EML6: variants seen among roughly 807,000 people sequenced by gnomAD.
The protein encoded by EML6 is EMAP like 6.
Under a neutral mutation model 240.1 loss-of-function variants are expected in EML6, and 154 were observed. That is an observed-to-expected ratio of 0.64 (90% CI 0.56 to 0.73). The LOEUF (loss-of-function observed/expected upper bound fraction) is 0.73. EML6 is among the 30% of genes least tolerant of loss of function. EML6 has a pLI of 0.00. For synonymous variants in EML6, 1,148 were observed against 899.0 expected, an observed-to-expected ratio of 1.28 and a Z score of -4.95; for missense variants, 2,964 against 2,474.6, an observed-to-expected ratio of 1.20 and a Z score of -4.20.
At chr2:54,816,933 A>T (rs933029981) in intron 4 of EML6, 48 bp downstream of exon 4, 4 of 1,174,488 alleles carry the variant, frequency 3.4e-6, no homozygotes, top group African/African-American at 1.5e-5. Flanking sequence ...ACTTGGGGGG[A>T]CTTGTGATAT....
chr2:54,962,563 A>G lies in EML6; in HGVS notation c.5009A>G (p.Glu1670Gly). The change falls in exon 36 of 42, where the codon GAA (glutamate) becomes GGA (glycine). Residue 1670 changes from glutamate (E) to glycine (G), a missense_variant. By Grantham distance (98) the Glu-to-Gly change is moderately conservative (BLOSUM62 -2). Coordinates refer to ENST00000356458, the MANE Select transcript of EML6 (RefSeq NM_001039753.4). ...GGAACCAAAGACGGAGAAATAATTG[A>G]AGTTGGTGAAAAAAATGCTGCTTCT... is the stretch of plus-strand genomic sequence containing the variant. ...LVGTKDGEIIEVGEKNAASNI... is the reference protein window; with the variant it reads ...LVGTKDGEIIGVGEKNAASNI... 6.5e-7 allele frequency: 1 copy of G among 1,549,098 alleles called. No individual in the cohort carries two copies. Among genetic ancestry groups the G allele is most frequent in the Non-Finnish European group, 8.7e-7 (1 of 1,145,850 alleles).
intron 3 of EML6, among the ~76,000 whole-genome samples, chr2:54,814,652 T>C (rs1222903976): frequency 6.6e-6 from 1 of 152,228 alleles, no homozygotes; most frequent in East Asian, 1.9e-4. Flanking sequence ...AAATTATTCA[T>C]AGAGGCTTAA....
chr2:54,915,557 C>T lies in EML6; in HGVS notation c.3499-1202C>T, dbSNP rs570094438. Among the ~76,000 whole-genome samples the T allele has an allele frequency of 1.5e-3, 233 of 152,156 alleles. 1 individual carries two copies. Among genetic ancestry groups the T allele is most frequent in the African/African-American group, 5.4e-3 (224 of 41,486 alleles). On this transcript the variant is annotated intron_variant, in intron 25 of 41. Coordinates refer to ENST00000356458, the MANE Select transcript of EML6 (RefSeq NM_001039753.4). ...TGGTCTGTGTTCCTACCCAAGGCCC[C>T]CAAGTCACAGGACCAGATTCAGATT...
intron 11 of EML6, among the ~76,000 whole-genome samples, chr2:54,854,862 C>T (rs1670287324): frequency 3.3e-5 from 5 of 152,232 alleles, no homozygotes; most frequent in Admixed American, 2.6e-4. Context: ...TAGGGCATAT[C>T]TTGTTAGATT....
At chr2:54,829,504 A>G in intron 7 of EML6, 27 bp downstream of exon 7, 1 of 1,520,630 alleles carries the variant, frequency 6.6e-7, no homozygotes, top group Non-Finnish European at 8.9e-7. Flanking sequence ...GCTTACCTGT[A>G]ACTCTGGATG....
rs897369211 is a variant in EML6, at chr2:54,774,528, C to T, written c.198-38704C>T. Among the ~76,000 whole-genome samples, 4 of 152,136 alleles carry T rather than the reference C, an allele frequency of 2.6e-5. No homozygotes were observed. The highest frequency in any genetic ancestry group is 6.5e-5 in the Admixed American group (1 of 15,278). ...TCTGGATGGTTTTTAGCCTACATCA[C>T]GGGGAGAATGGAAGAGCTAGCATCT... On this transcript the variant is annotated intron_variant, in intron 2 of 41. Coordinates refer to ENST00000356458, the MANE Select transcript of EML6 (RefSeq NM_001039753.4). This position sits in a 1 kb window ranked among gnomAD's most constrained non-coding sequence, Gnocchi z 4.1.
intron 2 of EML6, among the ~76,000 whole-genome samples, chr2:54,727,948 G>C (rs1324263196): frequency 6.6e-6 from 1 of 152,176 alleles, no homozygotes; most frequent in Non-Finnish European, 1.5e-5. Context: ...GCTCATTAGG[G>C]CTCAGCATAT....
intron 2 of EML6, among the ~76,000 whole-genome samples, chr2:54,773,347 G>A (rs558513116): frequency 3.9e-5 from 6 of 152,238 alleles, no homozygotes; most frequent in Non-Finnish European, 8.8e-5. Flanking sequence ...TCAGAACTGC[G>A]TTCCCTGAGC....
At chr2:54,854,192 T>C (rs535978209) in intron 11 of EML6, among the ~76,000 whole-genome samples, 3 of 152,232 alleles carry the variant, frequency 2.0e-5, no homozygotes, top group East Asian at 3.8e-4. Context: ...TAAAATTCTT[T>C]TATGATTCAG....
intron 9 of EML6, among the ~76,000 whole-genome samples, chr2:54,848,396 C>T (rs907572426): frequency 1.3e-5 from 2 of 152,140 alleles, no homozygotes; most frequent in Admixed American, 6.5e-5. Context: ...ACACTACATT[C>T]TCACTACCAA....
At position 54,903,427 on chromosome 2, in the gene EML6, G is replaced by A. The variant is rs930349880; in HGVS notation, c.3334G>A (p.Val1112Ile). The A allele has an allele frequency of 1.9e-5, 29 of 1,551,574 alleles. No homozygotes were observed. Among genetic ancestry groups the A allele is most frequent in the Admixed American group, 1.2e-4 (6 of 50,968 alleles). ...SHDNFVDIYN[V>I]LTSKRVGICK... ...TGATAACTTTGTGGATATTTACAAC[G>A]TACTTACAAGCAAAAGGGTTGGCAT... The change falls in exon 24 of 42, where the codon GTA becomes ATA. Residue 1112 changes from valine (V) to isoleucine (I), a missense_variant. Transcript: ENST00000356458.
At chr2:54,836,061 G>T (rs1254352637) in intron 7 of EML6, among the ~76,000 whole-genome samples, 3 of 152,140 alleles carry the variant, frequency 2.0e-5, no homozygotes, top group African/African-American at 7.2e-5. Flanking sequence ...TTTTCTCTGG[G>T]CTTGCCCTTC....
At chr2:54,938,185 A>T (rs781081721) in intron 28 of EML6, among the ~76,000 whole-genome samples, 4 of 152,174 alleles carry the variant, frequency 2.6e-5, no homozygotes, top group Non-Finnish European at 5.9e-5. Context: ...GTCTCTACTA[A>T]AAATACAAAA....
At chr2:54,904,297 GGTGAGTCACTC>G (rs1326764679) in intron 24 of EML6, among the ~76,000 whole-genome samples, 1 of 152,124 alleles carries the variant, frequency 6.6e-6, no homozygotes, top group East Asian at 1.9e-4. Context: ...TGCACTATAG[GGTGAGTCACTC>G]GTAAATCCTA....
rs1350282301 is a variant in EML6 at position 54,744,941 on chromosome 2, CACACACACACACACACACACA to C, written c.197+19684_197+19704del. On this transcript the variant is annotated intron_variant, in intron 2 of 41. Transcript: ENST00000356458. ...ACACACACACACACACACACACACA[CACACACACACACACACACACA>C]CCCTGCCATGCAGGCCTTCCCAGTG... 1.0e-3 allele frequency among the ~76,000 whole-genome samples: 150 copies of C among 149,772 alleles called. 1 individual carries two copies. In the East Asian group the frequency reaches 0.025, roughly 25 times the overall value.
intron 25 of EML6, among the ~76,000 whole-genome samples, chr2:54,915,334 C>T (rs755553984): frequency 6.6e-6 from 1 of 152,014 alleles, no homozygotes; most frequent in Non-Finnish European, 1.5e-5. Flanking sequence ...GTAGGGATTG[C>T]GAGTGGACTA....
chr2:54,944,838 CAG>C (rs1037364067), intron 28 of EML6, among the ~76,000 whole-genome samples: 6 of 152,028 alleles, frequency 3.9e-5, no homozygotes, highest in Non-Finnish European at 7.4e-5. Context: ...ATACTGTTAA[CAG>C]AGTCCAGTTC....
chr2:54,814,288 C>G (rs1667986789), intron 3 of EML6, among the ~76,000 whole-genome samples: 1 of 152,202 alleles, frequency 6.6e-6, no homozygotes, highest in African/African-American at 2.4e-5. Flanking sequence ...CCTGCTCACC[C>G]TTTTGCCCAT....
intron 28 of EML6, among the ~76,000 whole-genome samples, chr2:54,936,262 T>A (rs1359925114): frequency 2.0e-5 from 3 of 152,246 alleles, no homozygotes; most frequent in Non-Finnish European, 1.5e-5. Flanking sequence ...TAGCATCTAA[T>A]AATATCTCTA....
Sources: allele counts gnomAD v4.1 joint callset (sites outside exome capture counted in the v4.1 genomes callset), GRCh38; gene constraint gnomAD v4.1.1; non-coding constraint Gnocchi (gnomAD v3.1); transcripts MANE v1.5; gene names NCBI Gene and HGNC (gene_info 2026-07-23, HGNC 2026-07-21).